TANC2: variants seen among roughly 807,000 people sequenced by gnomAD.
TANC2 encodes tetratricopeptide repeat, ankyrin repeat and coiled-coil containing 2, also known as protein TANC2.
In TANC2, 26 loss-of-function variants were observed where a neutral mutation model predicts 210.5. The ratio of observed to expected loss-of-function variants is 0.12; its 90% CI spans 0.09 to 0.17. The LOEUF is 0.17. TANC2 is among the 10% of genes least tolerant of loss of function. The pLI is 1.00. For synonymous variants in TANC2, 931 were observed against 967.1 expected, an observed-to-expected ratio of 0.96 and a Z score of 0.69; for missense variants, 2,129 against 2,608.9, an observed-to-expected ratio of 0.82 and a Z score of 4.01.
chr17:63,062,266 GCTTT>G, intron 2 of TANC2, among the ~76,000 whole-genome samples: 1 of 152,082 alleles, frequency 6.6e-6, no homozygotes, highest in African/African-American at 2.4e-5. Flanking sequence ...ACTCCACATA[GCTTT>G]CTCTTTTGTT....
intron 7 of TANC2, among the ~76,000 whole-genome samples, chr17:63,209,795 CATT>C (rs896635411): frequency 6.1e-4 from 93 of 152,266 alleles, no homozygotes; most frequent in African/African-American, 2.1e-3. Flanking sequence ...TTGTAGACAT[CATT>C]ATCAGGTTTT....
intron 5 of TANC2, among the ~76,000 whole-genome samples, chr17:63,169,377 T>A (rs1176175603): frequency 6.6e-6 from 1 of 152,210 alleles, no homozygotes; most frequent in African/African-American, 2.4e-5. Flanking sequence ...TTTTTCTCTC[T>A]CTCTCCAGCT....
In TANC2 at chr17:63,411,688, T is replaced by C. The variant is rs376858983; in HGVS notation, c.3765+2T>C. ...GCTTTCTATGGCGATGCTGAGGTGGTAAGTACCTTTAAACAAGCCTCAAGA... is the reference window on the plus strand; with the variant it reads ...GCTTTCTATGGCGATGCTGAGGTGGCAAGTACCTTTAAACAAGCCTCAAGA... On this transcript the variant is annotated splice_donor_variant, in intron 22 of 27. Transcript: ENST00000689528. LOFTEE classifies it high-confidence loss of function. 6 of 1,608,556 alleles carry C rather than the reference T, an allele frequency of 3.7e-6. No individual in the cohort carries two copies. In the African/African-American group the frequency reaches 6.7e-5, roughly 18 times the overall value.
At chr17:63,246,125 T>G (rs1302394814) in intron 8 of TANC2, among the ~76,000 whole-genome samples, 2 of 152,120 alleles carry the variant, frequency 1.3e-5, no homozygotes, top group East Asian at 3.8e-4. Flanking sequence ...TTTGTCTGAA[T>G]TATCTATTTT....
chr17:63,377,785 C>G (rs1031691978), intron 14 of TANC2, among the ~76,000 whole-genome samples: 3 of 152,180 alleles, frequency 2.0e-5, no homozygotes, highest in Admixed American at 2.0e-4. Flanking sequence ...AAAGAAATAC[C>G]TGAAACTGGG....
chr17:63,195,886 T>C (rs953362673), intron 6 of TANC2, among the ~76,000 whole-genome samples: 2 of 152,144 alleles, frequency 1.3e-5, no homozygotes, highest in African/African-American at 4.8e-5. Context: ...CATCACTTCC[T>C]ACCCCTCTCC....
At chr17:63,055,270 G>C (rs934837290) in intron 2 of TANC2, among the ~76,000 whole-genome samples, 5 of 152,012 alleles carry the variant, frequency 3.3e-5, no homozygotes, top group Admixed American at 6.6e-5. Context: ...TACTCTGTGA[G>C]GTAAATTCTA....
At chr17:63,082,009 C>CA (rs1228425475) in intron 3 of TANC2, among the ~76,000 whole-genome samples, 5,948 of 144,866 alleles carry the variant, frequency 0.041, 407 homozygotes, top group African/African-American at 0.14. Flanking sequence ...ACTAAAAATA[C>CA]AAAAAAAAAA....
chr17:63,193,343 T>C (rs2145743920), intron 5 of TANC2, among the ~76,000 whole-genome samples: 1 of 152,270 alleles, frequency 6.6e-6, no homozygotes, highest in East Asian at 1.9e-4. Context: ...TCAGTACTAA[T>C]ACACAAAAAT....
At chr17:63,374,398 A>G (rs1251279001) in intron 14 of TANC2, among the ~76,000 whole-genome samples, 4 of 152,180 alleles carry the variant, frequency 2.6e-5, no homozygotes, top group African/African-American at 7.2e-5. Context: ...CCATTCTGCA[A>G]ATATATACCC....
chr17:63,166,291 T>C (rs2040206512), intron 5 of TANC2, among the ~76,000 whole-genome samples: 2 of 151,314 alleles, frequency 1.3e-5, no homozygotes, highest in South Asian at 4.2e-4. Flanking sequence ...GTCATAAAAA[T>C]TGTATTCCTA....
chr17:63,279,793 T>C (rs2044005595), intron 9 of TANC2, among the ~76,000 whole-genome samples: 1 of 152,076 alleles, frequency 6.6e-6, no homozygotes, highest in Non-Finnish European at 1.5e-5. Context: ...CCCCACCCAT[T>C]TTTAACTTTT....
chr17:63,399,833 G>A lies in TANC2; in HGVS notation c.3331+919G>A, dbSNP rs148708706. On this transcript the variant is annotated intron_variant, in intron 19 of 27. Coordinates refer to ENST00000689528, the Ensembl canonical transcript of TANC2. ...CATTTCTTCTCGTGACAAAGTCTTA[G>A]ACACATTTCCTGACTTCTTTAACAT... 1.4e-3 allele frequency among the ~76,000 whole-genome samples: 207 copies of A among 152,336 alleles called. 1 individual carries two copies. The highest frequency in any genetic ancestry group is 4.3e-3 in the African/African-American group (178 of 41,570).
intron 4 of TANC2, among the ~76,000 whole-genome samples, chr17:63,143,064 A>G (rs1185438502): frequency 2.6e-5 from 4 of 152,218 alleles, no homozygotes; most frequent in Non-Finnish European, 4.4e-5. Context: ...TGCACATGGT[A>G]GGAACACAGA....
At chr17:62,967,474 C>T (rs1366221244) in intron 1 of TANC2, 3 of 152,154 alleles carry the variant, frequency 2.0e-5, no homozygotes, top group Non-Finnish European at 2.9e-5. Flanking sequence ...GAATGGTCTT[C>T]ACAAAACATA....
intron 4 of TANC2, among the ~76,000 whole-genome samples, chr17:63,127,093 G>A (rs1037732183): frequency 8.5e-5 from 13 of 152,288 alleles, no homozygotes; most frequent in Admixed American, 6.5e-5. Context: ...TCAACACTGC[G>A]ATTAAAATTT....
intron 6 of TANC2, among the ~76,000 whole-genome samples, chr17:63,198,970 A>T (rs1280858256): frequency 2.0e-5 from 3 of 152,126 alleles, no homozygotes; most frequent in African/African-American, 7.2e-5. Context: ...GATTGAAAAG[A>T]TTTACTTGGT....
intron 12 of TANC2, among the ~76,000 whole-genome samples, chr17:63,346,135 C>T (rs890555405): frequency 1.3e-5 from 2 of 152,072 alleles, no homozygotes; most frequent in African/African-American, 4.8e-5. Context: ...TGAGATGGAT[C>T]ACAGACCTAA....
chr17:63,248,951 G>T (rs889190667), intron 8 of TANC2, among the ~76,000 whole-genome samples: 4 of 151,998 alleles, frequency 2.6e-5, no homozygotes, highest in African/African-American at 9.7e-5. Flanking sequence ...TTTTAAAATC[G>T]TGTATTTTAT....
Sources: gnomAD v4.1 joint callset for allele counts (sites outside exome capture counted in the v4.1 genomes callset) on GRCh38, gnomAD v4.1.1 for gene constraint, MANE v1.5 for transcripts, NCBI Gene and HGNC (gene_info 2026-07-23, HGNC 2026-07-21) for gene names.